Variants in DPP6 observed in about 807,000 individuals in gnomAD.
DPP6 encodes the protein A-type potassium channel modulatory protein DPP6.
In DPP6, 69 loss-of-function variants were observed where a neutral mutation model predicts 122.6. That is an observed-to-expected ratio of 0.56 (90% CI 0.46 to 0.69). The LOEUF is 0.69. DPP6 is among the 30% of genes least tolerant of loss of function. The pLI is 0.00. For missense variants in DPP6, 928 were observed against 1,116.9 expected, an observed-to-expected ratio of 0.83 and a Z score of 2.41; for synonymous variants, 418 against 433.1, an observed-to-expected ratio of 0.97 and a Z score of 0.43.
rs1248535785 is a variant in DPP6 at position 154,576,694 on chromosome 7, T to C, written c.627+9778T>C. On this transcript the variant is annotated intron_variant, in intron 5 of 25. Coordinates refer to ENST00000377770, the MANE Select transcript of DPP6 (RefSeq NM_130797.4). ...CTCAGCAGGCCGGGCACAGCCCCTG[T>C]GGATGGATGCGCGGGAAATACCAGG... Among the ~76,000 whole-genome samples the C allele has an allele frequency of 2.0e-5, 3 of 152,198 alleles. No individual in the cohort carries two copies. The East Asian group carries it at 5.8e-4, about 30-fold the overall frequency.
At chr7:154,327,965 A>G (rs920148275) in intron 1 of DPP6, among the ~76,000 whole-genome samples, 2 of 152,232 alleles carry the variant, frequency 1.3e-5, no homozygotes, top group African/African-American at 4.8e-5. Flanking sequence ...GAGTAATTCC[A>G]GACACCTTAA....
intron 1 of DPP6, among the ~76,000 whole-genome samples, chr7:153,931,997 T>C (rs956835626): frequency 6.6e-6 from 1 of 152,354 alleles, no homozygotes; most frequent in South Asian, 2.1e-4. Flanking sequence ...TGTCTTCTGA[T>C]CAGAGCTGCA....
chr7:153,763,114 T>A, the DPP6 span, among the ~76,000 whole-genome samples: 2 of 152,108 alleles, frequency 1.3e-5, no homozygotes, highest in Non-Finnish European at 1.5e-5. Flanking sequence ...AAAGTGAAGA[T>A]CCCGCCCTCA....
intron 7 of DPP6, among the ~76,000 whole-genome samples, chr7:154,702,971 C>G (rs1028246326): frequency 6.6e-6 from 1 of 152,226 alleles, no homozygotes; most frequent in Non-Finnish European, 1.5e-5. Flanking sequence ...TAGCTGGTGA[C>G]TTTAAGTCGG....
chr7:153,968,032 C>T (rs867448356), intron 1 of DPP6, among the ~76,000 whole-genome samples: 4 of 150,542 alleles, frequency 2.7e-5, no homozygotes, highest in Non-Finnish European at 4.4e-5. Flanking sequence ...TATGCATACA[C>T]GTATCTTTTG....
intron 18 of DPP6, among the ~76,000 whole-genome samples, 173 bp from the exon 19 acceptor site, chr7:154,872,451 C>T (rs900523242): frequency 2.0e-5 from 3 of 152,238 alleles, no homozygotes; most frequent in African/African-American, 7.2e-5. Context: ...TTGCCCAAGG[C>T]CGCGCAGCAG....
At chr7:153,850,110 AACAACAC>A in the DPP6 span, among the ~76,000 whole-genome samples, 6 of 152,282 alleles carry the variant, frequency 3.9e-5, no homozygotes, top group Admixed American at 1.3e-4. Context: ...ATTGCCTTAC[AACAACAC>A]ACATTAGTTT....
chr7:154,216,465 G>A (rs1387477291), intron 1 of DPP6, among the ~76,000 whole-genome samples: 1 of 152,290 alleles, frequency 6.6e-6, no homozygotes, highest in South Asian at 2.1e-4. Flanking sequence ...TAGAGCTCAT[G>A]CTTGGTCCAA....
At chr7:154,660,579 G>C (rs532304206) in intron 6 of DPP6, among the ~76,000 whole-genome samples, 3 of 129,592 alleles carry the variant, frequency 2.3e-5, no homozygotes, top group Admixed American at 7.3e-5. Flanking sequence ...CGTATCGGCC[G>C]TAGTGTTCAT....
chr7:154,396,319 G>T (rs1405862489), intron 1 of DPP6, among the ~76,000 whole-genome samples: 1 of 152,186 alleles, frequency 6.6e-6, no homozygotes, highest in Non-Finnish European at 1.5e-5. Flanking sequence ...CCAGGAAATA[G>T]TGGGACTGTG....
At chr7:153,999,435 T>G (rs1044275406) in intron 1 of DPP6, among the ~76,000 whole-genome samples, 2 of 152,218 alleles carry the variant, frequency 1.3e-5, no homozygotes, top group Non-Finnish European at 1.5e-5. Context: ...CATCACATCT[T>G]CAAGGCTTTG....
At chr7:153,818,838 GC>G in the DPP6 span, among the ~76,000 whole-genome samples, 1 of 151,822 alleles carries the variant, frequency 6.6e-6, no homozygotes, top group Admixed American at 6.6e-5. Context: ...TGCAACCTCT[GC>G]CTCCCGGGTG....
chr7:153,804,858 T>C, the DPP6 span, among the ~76,000 whole-genome samples: 1 of 151,904 alleles, frequency 6.6e-6, no homozygotes, highest in African/African-American at 2.4e-5. Flanking sequence ...CACTCCAGCC[T>C]GGGCAACAGA....
chr7:154,286,230 T>C (rs527289370), intron 1 of DPP6, among the ~76,000 whole-genome samples: 1 of 152,030 alleles, frequency 6.6e-6, no homozygotes, highest in African/African-American at 2.4e-5. Flanking sequence ...AAAAGAAAAA[T>C]TGACCCCGAG....
chr7:154,090,032 TCTC>T (rs1410574536), intron 1 of DPP6, among the ~76,000 whole-genome samples: 1 of 152,190 alleles, frequency 6.6e-6, no homozygotes, highest in African/African-American at 2.4e-5. Flanking sequence ...CATCCTTTCT[TCTC>T]CTCCATTTCT....
chr7:153,973,849 T>C (rs994293782), intron 1 of DPP6, among the ~76,000 whole-genome samples: 1 of 147,102 alleles, frequency 6.8e-6, no homozygotes, highest in Admixed American at 6.7e-5. Context: ...CTGTTCATTT[T>C]TAGTATAGAA....
intron 1 of DPP6, among the ~76,000 whole-genome samples, chr7:153,972,076 A>G (rs1016314128): frequency 6.6e-6 from 1 of 151,120 alleles, no homozygotes; most frequent in Non-Finnish European, 1.5e-5. Flanking sequence ...AGGAGAGTAA[A>G]TCTAGTCCCT....
intron 8 of DPP6, among the ~76,000 whole-genome samples, chr7:154,731,953 A>T (rs1238338779): frequency 6.6e-6 from 1 of 152,172 alleles, no homozygotes; most frequent in Non-Finnish European, 1.5e-5. Flanking sequence ...CCAAGTTTTG[A>T]TGAAAGTTCT....
intron 6 of DPP6, among the ~76,000 whole-genome samples, chr7:154,651,417 T>C (rs1001124152): frequency 2.0e-5 from 3 of 152,148 alleles, no homozygotes; most frequent in African/African-American, 7.2e-5. Flanking sequence ...TTCCCCTTTT[T>C]TCCTAGTTGC....
Sources: allele counts gnomAD v4.1 joint callset (sites outside exome capture counted in the v4.1 genomes callset), GRCh38; gene constraint gnomAD v4.1.1; transcripts MANE v1.5; gene names NCBI Gene and HGNC (gene_info 2026-07-23, HGNC 2026-07-21).